Variants in ZFP3 observed in about 807,000 individuals in gnomAD.
ZFP3 encodes zinc finger protein 3 homolog.
ZFP3 carries 18 observed loss-of-function variants against 36.7 expected under a neutral mutation model. The ratio of observed to expected loss-of-function variants is 0.49; its 90% CI spans 0.34 to 0.73. The LOEUF (loss-of-function observed/expected upper bound fraction) is 0.73. Ranked by LOEUF, ZFP3 falls within the 30% of genes least tolerant of loss-of-function variation. The pLI is 0.01. For synonymous variants in ZFP3, 218 were observed against 199.0 expected, an observed-to-expected ratio of 1.10 and a Z score of -0.81; for missense variants, 495 against 599.0, an observed-to-expected ratio of 0.83 and a Z score of 1.81.
At chr17:5,085,868 A>G (rs187109583) in intron 1 of ZFP3, among the ~76,000 whole-genome samples, 1 of 152,348 alleles carries the variant, frequency 6.6e-6, no homozygotes, top group Admixed American at 6.5e-5. Flanking sequence ...TGAAAAGGAA[A>G]GGCCAGAGAG....
At chr17:5,091,404 T>C in intron 1 of ZFP3, 93 bp from the exon 2 acceptor site, 13 of 1,320,374 alleles carry the variant, frequency 9.8e-6, no homozygotes, top group Non-Finnish European at 1.3e-5. Flanking sequence ...TTCTGAGTGC[T>C]ATGAGAACTA....
chr17:5,091,088 T>G (rs1365875179), intron 1 of ZFP3, among the ~76,000 whole-genome samples: 1 of 152,212 alleles, frequency 6.6e-6, no homozygotes, highest in African/African-American at 2.4e-5. Flanking sequence ...TTATGGATTT[T>G]TTTTTTATCA....
chr17:5,091,561 G>A lies in ZFP3; in HGVS notation c.57G>A (p.Glu19=), dbSNP rs1414929490. The change falls in exon 2 of 2, where the codon GAG becomes GAA. Residue 19 remains glutamate, a synonymous_variant. Transcript: ENST00000318833. ...IPKEEISEES[E]PHGSLLEKFP... Reference sequence around the variant, plus strand: ...AGGAAGAAATTTCTGAAGAATCTGAGCCACATGGGTCATTATTAGAAAAAT... The same window carrying A: ...AGGAAGAAATTTCTGAAGAATCTGAACCACATGGGTCATTATTAGAAAAAT... 2 of 1,614,218 alleles carry A rather than the reference G, an allele frequency of 1.2e-6. No homozygotes were observed. The highest frequency in any genetic ancestry group is 1.7e-6 in the Non-Finnish European group (2 of 1,180,036).
intron 1 of ZFP3, among the ~76,000 whole-genome samples, chr17:5,083,257 C>T (rs79545085): frequency 0.026 from 3,929 of 152,220 alleles, 188 homozygotes; most frequent in African/African-American, 0.089. Context: ...AGGATAACTC[C>T]AGTCATTAAG....
Position 5,092,550 on chromosome 17 carries a change from A to G in ZFP3, c.1046A>G (p.Asn349Ser). 2 of 1,614,128 alleles carry G rather than the reference A, an allele frequency of 1.2e-6. No individual in the cohort carries two copies. The highest frequency in any genetic ancestry group is 2.2e-5 in the South Asian group (2 of 91,084). Residue 349 changes from asparagine (N) to serine (S), a missense_variant, in exon 2 of 2, where the codon AAC becomes AGC. Asn to Ser is a conservative substitution (Grantham distance 46). Coordinates refer to ENST00000318833, the MANE Select transcript of ZFP3 (RefSeq NM_153018.3). This position sits in a 1 kb window ranked among gnomAD's most constrained non-coding sequence, Gnocchi z 5.0. ...GAATGTGGGAAAACTTTTGGCCAGA[A>G]CTCAGAGATTATTAGACATATTAGA... is the stretch of plus-strand genomic sequence containing the variant. The part of the protein sequence containing the change: ...CNECGKTFGQ[N>S]SEIIRHIRIH...
rs1358214295 is a variant in ZFP3, at chr17:5,092,341, A to G, written c.837A>G (p.Arg279=). 4 of 1,614,088 alleles carry G rather than the reference A, an allele frequency of 2.5e-6. No individual in the cohort carries two copies. The African/African-American group carries it at 5.3e-5, about 22-fold the overall frequency. The change falls in exon 2 of 2, where the codon AGA becomes AGG. Residue 279 remains arginine (R), a synonymous_variant. Coordinates refer to ENST00000318833, the MANE Select transcript of ZFP3 (RefSeq NM_153018.3). This position sits in a 1 kb window ranked among gnomAD's most constrained non-coding sequence, Gnocchi z 5.0. The part of the protein sequence containing the change: ...IQHQRIHTEE[R]YHECNECGKA... The stretch of plus-strand genomic sequence containing the variant: ...ATCAGAGAATTCATACTGAAGAAAG[A>G]TACCATGAATGCAATGAGTGTGGCA...
intron 1 of ZFP3, among the ~76,000 whole-genome samples, chr17:5,085,122 T>C (rs9898019): frequency 0.69 from 104,522 of 151,808 alleles, 36,196 homozygotes; most frequent in East Asian, 0.85. Context: ...TCACTACAAC[T>C]TGTGCCTCCT....
chr17:5,094,651 A>G lies in ZFP3; in HGVS notation c.*1638A>G, dbSNP rs1597909003. On this transcript the variant is annotated 3_prime_UTR_variant, in exon 2 of 2. Coordinates refer to ENST00000318833, the MANE Select transcript of ZFP3 (RefSeq NM_153018.3). ...TAATTCTTTAAAAATTTAACTTTAT[A>G]TATCTTTATTATTCTTTAACCTCAT... 1 of 167,088 alleles carries G rather than the reference A, an allele frequency of 6.0e-6. No individual in the cohort carries two copies. Among genetic ancestry groups the G allele is most frequent in the Non-Finnish European group, 1.5e-5 (1 of 68,122 alleles). The allele number at this position is 167,088 out of a possible 1,614,324, so 10.4% of individuals were successfully genotyped here.
At chr17:5,091,211 C>T (rs2072147905) in intron 1 of ZFP3, among the ~76,000 whole-genome samples, 1 of 152,106 alleles carries the variant, frequency 6.6e-6, no homozygotes. Flanking sequence ...TTCTCTTTGG[C>T]AGCATCTTGT....
intron 1 of ZFP3, among the ~76,000 whole-genome samples, chr17:5,083,632 T>G (rs2072105551): frequency 6.6e-6 from 1 of 151,986 alleles, no homozygotes; most frequent in Non-Finnish European, 1.5e-5. Context: ...AAAATATAGA[T>G]CTCTTGGTCC....
At position 5,095,571 on chromosome 17, in the gene ZFP3, C is replaced by G. The variant is rs767630529; in HGVS notation, c.*2558C>G. On this transcript the variant is annotated 3_prime_UTR_variant, in exon 2 of 2. Transcript: ENST00000318833. Reference sequence around the variant, plus strand: ...AAACAATCTATGCACACAAACACCCCTGAGCAATATGGACTTCACTGAAGA... The same window carrying G: ...AAACAATCTATGCACACAAACACCCGTGAGCAATATGGACTTCACTGAAGA... 6.0e-6 allele frequency: 1 copy of G among 166,850 alleles called. No individual in the cohort carries two copies. Among genetic ancestry groups the G allele is most frequent in the African/African-American group, 2.4e-5 (1 of 41,378 alleles). 10.3% of individuals were successfully genotyped at this position (166,850 alleles called of 1,614,324 possible).
At chr17:5,088,476 CTTTTTTTT>C (rs71149522) in intron 1 of ZFP3, among the ~76,000 whole-genome samples, 1 of 131,312 alleles carries the variant, frequency 7.6e-6, no homozygotes, top group Admixed American at 7.6e-5. Context: ...CTACTGCTTT[CTTTTTTTT>C]TTTTTTTTTT....
chr17:5,093,072 A>G lies in ZFP3; in HGVS notation c.*59A>G. The G allele has an allele frequency of 6.7e-7, 1 of 1,495,568 alleles. No individual in the cohort carries two copies. Among genetic ancestry groups the G allele is most frequent in the African/African-American group, 1.4e-5 (1 of 71,300 alleles). 92.6% of individuals were successfully genotyped at this position (1,495,568 alleles called of 1,614,324 possible). ...TAAAGTCCAACTTATTCATTTGTTCATAATATGCAAATATGCACCCCAAGT... is the reference window on the plus strand; with the variant it reads ...TAAAGTCCAACTTATTCATTTGTTCGTAATATGCAAATATGCACCCCAAGT... On this transcript the variant is annotated 3_prime_UTR_variant, in exon 2 of 2. Coordinates refer to ENST00000318833, the MANE Select transcript of ZFP3 (RefSeq NM_153018.3).
At chr17:5,085,343 G>A (rs1313912064) in intron 1 of ZFP3, among the ~76,000 whole-genome samples, 1 of 151,820 alleles carries the variant, frequency 6.6e-6, no homozygotes, top group African/African-American at 2.4e-5. Flanking sequence ...CACCGTGCCT[G>A]GCCAGGGGAG....
Position 5,095,955 on chromosome 17 carries a change from C to T in ZFP3, c.*2942C>T, listed in dbSNP as rs1447462812. On this transcript the variant is annotated 3_prime_UTR_variant, in exon 2 of 2. Coordinates refer to ENST00000318833, the MANE Select transcript of ZFP3 (RefSeq NM_153018.3). ...TCTACCATATATAGATACATATTCC[C>T]CGCCCCGCCCCAGATTTCTGGTGAA... The T allele has an allele frequency of 1.2e-5, 2 of 166,914 alleles. No homozygotes were observed. Among genetic ancestry groups the T allele is most frequent in the African/African-American group, 4.8e-5 (2 of 41,380 alleles). 10.3% of individuals were successfully genotyped at this position (166,914 alleles called of 1,614,324 possible). A position where few individuals can be genotyped will look rare whatever the true frequency, so the allele number is the denominator to read the frequency against.
chr17:5,091,513 T>C lies in ZFP3; in HGVS notation c.9T>C (p.Thr3=), dbSNP rs772051726. The change falls in exon 2 of 2, where the codon ACT becomes ACC. Residue 3 remains threonine, a synonymous_variant. Transcript: ENST00000318833. The stretch of plus-strand genomic sequence containing the variant: ...TCATTTCAGATTGTGAGATGGGGAC[T>C]GAGAACAAGGAGGTGATTCCCAAGG... MG[T]ENKEVIPKEE... 8 of 1,613,668 alleles carry C rather than the reference T, an allele frequency of 5.0e-6. No homozygotes were observed. The Admixed American group carries it at 5.0e-5, about 10-fold the overall frequency.
chr17:5,091,030 A>T (rs1367893286), intron 1 of ZFP3, among the ~76,000 whole-genome samples: 2 of 151,824 alleles, frequency 1.3e-5, no homozygotes, highest in Non-Finnish European at 2.9e-5. Flanking sequence ...TTTTCCCTAG[A>T]TGTTTTCTTT....
intron 1 of ZFP3, among the ~76,000 whole-genome samples, chr17:5,090,231 A>G (rs903910407): frequency 2.0e-5 from 3 of 152,208 alleles, no homozygotes; most frequent in Non-Finnish European, 2.9e-5. Context: ...GAAAACTGAG[A>G]TAACTTTCTC....
Position 5,078,671 on chromosome 17 carries a change from C to G in ZFP3, c.-9+96C>G, listed in dbSNP as rs2072077349. 1 of 152,436 alleles carries G rather than the reference C, an allele frequency of 6.6e-6. No individual in the cohort carries two copies. 9.4% of individuals were successfully genotyped at this position (152,436 alleles called of 1,614,324 possible). A position where few individuals can be genotyped will look rare whatever the true frequency, so the allele number is the denominator to read the frequency against. On this transcript the variant is annotated intron_variant, in intron 1 of 1. Coordinates refer to ENST00000318833, the MANE Select transcript of ZFP3 (RefSeq NM_153018.3). This position sits in a 1 kb window ranked among gnomAD's most constrained non-coding sequence, Gnocchi z 4.5. Reference sequence around the variant, plus strand: ...CGGAAACCCTACGTTTAGGCCCGTTCTGACCGGGGTTCGCTGTGTGACCTT... The same window carrying G: ...CGGAAACCCTACGTTTAGGCCCGTTGTGACCGGGGTTCGCTGTGTGACCTT...
Sources: allele counts gnomAD v4.1 joint callset (sites outside exome capture counted in the v4.1 genomes callset), GRCh38; gene constraint gnomAD v4.1.1; non-coding constraint Gnocchi (gnomAD v3.1); transcripts MANE v1.5; gene names NCBI Gene and HGNC (gene_info 2026-07-23, HGNC 2026-07-21).